The following PPM1L variants were observed in gnomAD, a reference collection of about 807,000 sequenced individuals.
PPM1L encodes protein phosphatase, Mg2+/Mn2+ dependent 1L.
In PPM1L, 13 loss-of-function variants were observed where a neutral mutation model predicts 31.4. The ratio of observed to expected loss-of-function variants is 0.41; its 90% CI spans 0.27 to 0.66. The LOEUF (loss-of-function observed/expected upper bound fraction) is 0.66. PPM1L is among the 30% of genes least tolerant of loss of function. The pLI is 0.29. For missense variants in PPM1L, 326 were observed against 453.7 expected (o/e 0.72, Z 2.56); for synonymous variants, 184 against 175.4 (o/e 1.05, Z -0.39).
intron 1 of PPM1L, among the ~76,000 whole-genome samples, chr3:160,836,778 G>C (rs1042198563): frequency 2.0e-5 from 3 of 152,144 alleles, no homozygotes; most frequent in African/African-American, 7.2e-5. Flanking sequence ...GATAACATTA[G>C]GTTCTTTAGT....
rs796240930 is a variant in PPM1L at position 160,786,155 on chromosome 3, C to CTGTGTG, written c.399+29449_399+29450insGTGTGT. On this transcript the variant is annotated intron_variant, in intron 1 of 3. Transcript: ENST00000498165. Reference sequence around the variant, plus strand: ...TCTCTCTCTCTCTCTCTCTCTCTCTCTCTGTGTGTGTGTGTGTGTGTGTGT... The same window carrying CTGTGTG: ...TCTCTCTCTCTCTCTCTCTCTCTCTCTGTGTGTCTGTGTGTGTGTGTGTGTGTGTGT... 7.8e-4 allele frequency among the ~76,000 whole-genome samples: 65 copies of CTGTGTG among 83,174 alleles called. No individual in the cohort carries two copies. The East Asian group carries it at 8.1e-3, about 10-fold the overall frequency. 54.6% of individuals were successfully genotyped at this position (83,174 alleles called of 152,430 possible).
intron 1 of PPM1L, among the ~76,000 whole-genome samples, chr3:160,799,700 A>G (rs1712367640): frequency 6.6e-6 from 1 of 152,136 alleles, no homozygotes; most frequent in Non-Finnish European, 1.5e-5. Flanking sequence ...TTTGCCTGGA[A>G]CATGTTCCCC....
In PPM1L at chr3:161,060,558, A is replaced by G. The variant is rs141118797; in HGVS notation, c.575-4845A>G. 5.2e-3 allele frequency among the ~76,000 whole-genome samples: 791 copies of G among 152,232 alleles called. 6 individuals carry two copies. Among genetic ancestry groups the G allele is most frequent in the Non-Finnish European group, 4.5e-3 (309 of 67,988 alleles). Reference sequence around the variant, plus strand: ...TAAGAGTAACAGAACTTAATGATGGACTGAATGTCAGGAAAGAGGAAAAGA... The same window carrying G: ...TAAGAGTAACAGAACTTAATGATGGGCTGAATGTCAGGAAAGAGGAAAAGA... On this transcript the variant is annotated intron_variant, in intron 2 of 3. Coordinates refer to ENST00000498165, the MANE Select transcript of PPM1L (RefSeq NM_139245.4).
intron 1 of PPM1L, among the ~76,000 whole-genome samples, chr3:160,841,027 T>C (rs921383539): frequency 2.0e-5 from 3 of 152,166 alleles, no homozygotes; most frequent in African/African-American, 4.8e-5. Context: ...TCTAGTCAAG[T>C]TGACACCTAA....
chr3:160,780,901 G>A (rs1023128763), intron 1 of PPM1L, among the ~76,000 whole-genome samples: 4 of 152,078 alleles, frequency 2.6e-5, no homozygotes, highest in Non-Finnish European at 5.9e-5. Flanking sequence ...GTATGTAAAG[G>A]GTTTAGTATA....
intron 1 of PPM1L, among the ~76,000 whole-genome samples, chr3:160,861,642 A>G (rs1029896107): frequency 6.6e-6 from 1 of 152,100 alleles, no homozygotes; most frequent in Non-Finnish European, 1.5e-5. Flanking sequence ...GATGGTATTA[A>G]TTTCCTACTG....
chr3:160,947,254 C>T (rs552142719), intron 1 of PPM1L, among the ~76,000 whole-genome samples: 2 of 152,136 alleles, frequency 1.3e-5, no homozygotes, highest in Non-Finnish European at 2.9e-5. Context: ...TGATATTTCT[C>T]CCTTCCTTAA....
intron 2 of PPM1L, among the ~76,000 whole-genome samples, chr3:161,058,688 C>T (rs1390396962): frequency 6.6e-6 from 1 of 152,048 alleles, no homozygotes; most frequent in Non-Finnish European, 1.5e-5. Context: ...AGGGAGAATA[C>T]CTGCCCTCCC....
In PPM1L at chr3:160,801,543, T is replaced by C. The variant is rs567396771; in HGVS notation, c.399+44836T>C. ...GCGCACACCAGCAAATGATTCAGACTATGTTTGTTCCCATGTGCCAGGGAG... is the reference window on the plus strand; with the variant it reads ...GCGCACACCAGCAAATGATTCAGACCATGTTTGTTCCCATGTGCCAGGGAG... On this transcript the variant is annotated intron_variant, in intron 1 of 3. Coordinates refer to ENST00000498165, the MANE Select transcript of PPM1L (RefSeq NM_139245.4). Among the ~76,000 whole-genome samples the C allele has an allele frequency of 2.6e-5, 4 of 152,358 alleles. No homozygotes were observed. In the East Asian group the frequency reaches 7.7e-4, roughly 29 times the overall value.
intron 2 of PPM1L, among the ~76,000 whole-genome samples, chr3:161,045,026 G>A (rs1236374814): frequency 6.6e-6 from 1 of 152,120 alleles, no homozygotes; most frequent in Non-Finnish European, 1.5e-5. Context: ...AGACAAAGAA[G>A]GCCATTACAT....
chr3:160,780,370 C>A (rs927651652), intron 1 of PPM1L, among the ~76,000 whole-genome samples: 1 of 152,182 alleles, frequency 6.6e-6, no homozygotes, highest in African/African-American at 2.4e-5. Context: ...GGGAACCAGT[C>A]TTAAGAAGTC....
chr3:161,002,013 G>C (rs557677182), intron 2 of PPM1L, among the ~76,000 whole-genome samples: 1 of 112,636 alleles, frequency 8.9e-6, no homozygotes, highest in Non-Finnish European at 1.7e-5. Flanking sequence ...ACAGTCCCCA[G>C]AGTGTGATGT....
intron 1 of PPM1L, chr3:160,882,380 T>C (rs1320355561): frequency 1.3e-5 from 2 of 152,222 alleles, no homozygotes; most frequent in Non-Finnish European, 2.9e-5. Context: ...TGTAAAGCTT[T>C]GAGAACAAGT....
At chr3:160,920,736 G>A (rs1373965206) in intron 1 of PPM1L, among the ~76,000 whole-genome samples, 1 of 151,264 alleles carries the variant, frequency 6.6e-6, no homozygotes, top group East Asian at 1.9e-4. Flanking sequence ...GATGAGGGAA[G>A]CTTTATTTCA....
At chr3:160,985,382 A>C (rs1716931688) in intron 2 of PPM1L, among the ~76,000 whole-genome samples, 1 of 152,202 alleles carries the variant, frequency 6.6e-6, no homozygotes, top group Non-Finnish European at 1.5e-5. Context: ...CATCACAAAT[A>C]GTTCCCTTAC....
In PPM1L at chr3:161,070,416, G is replaced by A. The variant is rs573017631; in HGVS notation, c.*1259G>A. The stretch of plus-strand genomic sequence containing the variant: ...ATACAAACCGCCCCGTGGCCTGCAG[G>A]CCTGCAGGGGAGGCAGCAAAGGGAC... On this transcript the variant is annotated 3_prime_UTR_variant, in exon 4 of 4. Coordinates refer to ENST00000498165, the MANE Select transcript of PPM1L (RefSeq NM_139245.4). 13 of 152,306 alleles carry A rather than the reference G, an allele frequency of 8.5e-5. No homozygotes were observed. Among genetic ancestry groups the A allele is most frequent in the Admixed American group, 2.0e-4 (3 of 15,310 alleles). The allele number at this position is 152,306 out of a possible 1,614,324, so 9.4% of individuals were successfully genotyped here.
chr3:161,075,465 G>A lies in PPM1L; in HGVS notation c.*6308G>A, dbSNP rs1720068706. On this transcript the variant is annotated 3_prime_UTR_variant, in exon 4 of 4. Transcript: ENST00000498165. ...AAATGGGCTTGTCTCTTAGAGTATT[G>A]GTTAATGCTTTGCTTATTTGTTAAT... The A allele has an allele frequency of 6.6e-6, 1 of 152,072 alleles. No individual in the cohort carries two copies. The allele number at this position is 152,072 out of a possible 1,614,324, so 9.4% of individuals were successfully genotyped here.
At chr3:160,967,046 G>A (rs576787509) in intron 2 of PPM1L, among the ~76,000 whole-genome samples, 2 of 152,158 alleles carry the variant, frequency 1.3e-5, no homozygotes, top group East Asian at 3.9e-4. Flanking sequence ...GAGGGACCAG[G>A]TGGGAGGTAA....
rs143407825 is a variant in PPM1L at position 161,077,724 on chromosome 3, T to C, written c.*8567T>C. The C allele has an allele frequency of 4.0e-4, 61 of 152,328 alleles. No homozygotes were observed. In the East Asian group the frequency reaches 0.011, roughly 28 times the overall value. 9.4% of individuals were successfully genotyped at this position (152,328 alleles called of 1,614,324 possible). A position where few individuals can be genotyped will look rare whatever the true frequency, so the allele number is the denominator to read the frequency against. On this transcript the variant is annotated 3_prime_UTR_variant, in exon 4 of 4. Coordinates refer to ENST00000498165, the MANE Select transcript of PPM1L (RefSeq NM_139245.4). Reference sequence around the variant, plus strand: ...GACTAAATGTCATTTTTTTAAATCATAAATTTGGTATCCATAGTTACTTTA... The same window carrying C: ...GACTAAATGTCATTTTTTTAAATCACAAATTTGGTATCCATAGTTACTTTA...
Sources: allele counts gnomAD v4.1 joint callset (sites outside exome capture counted in the v4.1 genomes callset), GRCh38; gene constraint gnomAD v4.1.1; transcripts MANE v1.5; gene names NCBI Gene and HGNC (gene_info 2026-07-23, HGNC 2026-07-21).